Variants in PLPPR1 observed in about 807,000 individuals in gnomAD.
PLPPR1 encodes the protein phospholipid phosphatase-related protein type 1.
Under a neutral mutation model 33.1 loss-of-function variants are expected in PLPPR1, and 10 were observed. The observed-to-expected ratio is 0.30, with a 90% CI of 0.19 to 0.51. PLPPR1 has a LOEUF of 0.51. Among genes scored for constraint, PLPPR1 ranks in the 20% least tolerant of loss-of-function variants. The pLI is 0.97. For synonymous variants in PLPPR1, 151 were observed against 151.0 expected (o/e 1.00, Z 0.00); for missense variants, 304 against 408.1 (o/e 0.74, Z 2.20).
intron 1 of PLPPR1, among the ~76,000 whole-genome samples, chr9:101,031,540 T>C (rs1829945432): frequency 6.6e-6 from 1 of 152,198 alleles, no homozygotes. Context: ...TCAGAAAACA[T>C]GTATAAGTAC....
intron 4 of PLPPR1, among the ~76,000 whole-genome samples, chr9:101,307,963 C>G (rs928895673): frequency 6.6e-6 from 1 of 152,210 alleles, no homozygotes; most frequent in African/African-American, 2.4e-5. Context: ...TAACTCACAG[C>G]AAAGCTTTCT....
At chr9:101,199,409 C>T (rs1703219407) in intron 2 of PLPPR1, among the ~76,000 whole-genome samples, 1 of 152,162 alleles carries the variant, frequency 6.6e-6, no homozygotes, top group South Asian at 2.1e-4. Flanking sequence ...TATGTAAGTA[C>T]AATAACTTTA....
intron 2 of PLPPR1, among the ~76,000 whole-genome samples, chr9:101,252,334 C>T (rs1283031342): frequency 6.6e-6 from 1 of 152,056 alleles, no homozygotes; most frequent in Non-Finnish European, 1.5e-5. Context: ...AGGTGTTCAC[C>T]TGATTACTTT....
intron 2 of PLPPR1, among the ~76,000 whole-genome samples, chr9:101,266,270 T>C (rs1335728337): frequency 6.6e-6 from 1 of 150,474 alleles, no homozygotes; most frequent in African/African-American, 2.5e-5. Flanking sequence ...CTACTAAAAA[T>C]ACAAAAAATT....
At chr9:101,251,869 G>A (rs1827717565) in intron 2 of PLPPR1, among the ~76,000 whole-genome samples, 1 of 152,108 alleles carries the variant, frequency 6.6e-6, no homozygotes, top group Non-Finnish European at 1.5e-5. Flanking sequence ...TGTATATTGT[G>A]ATTCTAATTT....
chr9:101,126,365 T>A (rs1479313684), intron 1 of PLPPR1, among the ~76,000 whole-genome samples: 1 of 152,186 alleles, frequency 6.6e-6, no homozygotes, highest in African/African-American at 2.4e-5. Flanking sequence ...ATAGACCAAC[T>A]GTTCCTGAGG....
chr9:101,248,831 G>A (rs1827660634), intron 2 of PLPPR1, among the ~76,000 whole-genome samples: 1 of 152,090 alleles, frequency 6.6e-6, no homozygotes, highest in South Asian at 2.1e-4. Context: ...CTGAGCTTAA[G>A]TGGTTGACCA....
chr9:101,157,722 C>G (rs1326357494), intron 1 of PLPPR1, among the ~76,000 whole-genome samples: 1 of 151,996 alleles, frequency 6.6e-6, no homozygotes, highest in Non-Finnish European at 1.5e-5. Flanking sequence ...CTTATAGGGG[C>G]CGGGCATGGT....
intron 2 of PLPPR1, among the ~76,000 whole-genome samples, chr9:101,267,440 G>A (rs1222966686): frequency 6.6e-6 from 1 of 152,158 alleles, no homozygotes; most frequent in African/African-American, 2.4e-5. Flanking sequence ...TGATTTACAT[G>A]TGGCCCCAAT....
intron 1 of PLPPR1, among the ~76,000 whole-genome samples, chr9:101,091,889 G>A (rs74669211): frequency 0.054 from 8,220 of 152,118 alleles, 404 homozygotes; most frequent in African/African-American, 0.12. Context: ...CACTTGAATT[G>A]TGCAGATAAT....
At chr9:101,291,674 C>A (rs1391579331) in intron 4 of PLPPR1, among the ~76,000 whole-genome samples, 1 of 152,202 alleles carries the variant, frequency 6.6e-6, no homozygotes, top group Admixed American at 6.5e-5. Context: ...GGTACCCAGG[C>A]AAACAGGGTC....
At chr9:101,186,367 G>A (rs2118718900) in intron 2 of PLPPR1, among the ~76,000 whole-genome samples, 1 of 151,858 alleles carries the variant, frequency 6.6e-6, no homozygotes, top group African/African-American at 2.4e-5. Flanking sequence ...AAATATGACA[G>A]TGTAAAGAGC....
chr9:101,042,063 G>A (rs1830084129), intron 1 of PLPPR1, among the ~76,000 whole-genome samples: 1 of 151,760 alleles, frequency 6.6e-6, no homozygotes, highest in Admixed American at 6.5e-5. Context: ...ATTTATAGAA[G>A]AAGAACAGAG....
At chr9:101,244,097 GC>G (rs1330977888) in intron 2 of PLPPR1, among the ~76,000 whole-genome samples, 1 of 151,896 alleles carries the variant, frequency 6.6e-6, no homozygotes, top group Non-Finnish European at 1.5e-5. Flanking sequence ...AGTGTCAAAT[GC>G]TGCAGAGACA....
At chr9:101,156,552 C>CAAAAAAAA (rs1162056636) in intron 1 of PLPPR1, among the ~76,000 whole-genome samples, 92 of 71,100 alleles carry the variant, frequency 1.3e-3, no homozygotes, top group Non-Finnish European at 1.9e-3. Flanking sequence ...ACCCTGTCTC[C>CAAAAAAAA]AAAAAAAAAA....
intron 4 of PLPPR1, among the ~76,000 whole-genome samples, chr9:101,290,767 T>C (rs776135203): frequency 6.6e-6 from 1 of 152,214 alleles, no homozygotes; most frequent in Non-Finnish European, 1.5e-5. Context: ...TGTGAAAAGT[T>C]AAAACACTAT....
chr9:101,287,066 G>T (rs1479721120), intron 4 of PLPPR1, among the ~76,000 whole-genome samples: 1 of 152,152 alleles, frequency 6.6e-6, no homozygotes, highest in Non-Finnish European at 1.5e-5. Context: ...TGTAGGAAAT[G>T]ATTGAATTTC....
At chr9:101,173,927 G>A (rs989641507) in intron 1 of PLPPR1, among the ~76,000 whole-genome samples, 2 of 152,078 alleles carry the variant, frequency 1.3e-5, no homozygotes, top group African/African-American at 4.8e-5. Context: ...TTGCCTGCAA[G>A]ATCAACAGTG....
chr9:101,262,147 A>G (rs1827910886), intron 2 of PLPPR1, among the ~76,000 whole-genome samples: 1 of 152,144 alleles, frequency 6.6e-6, no homozygotes. Context: ...TCTTCTAGGA[A>G]ACTATTTTTG....
Sources: gnomAD v4.1 joint callset for allele counts (sites outside exome capture counted in the v4.1 genomes callset) on GRCh38, gnomAD v4.1.1 for gene constraint, MANE v1.5 for transcripts, NCBI Gene and HGNC (gene_info 2026-07-23, HGNC 2026-07-21) for gene names.